Variants in DMD observed in about 807,000 individuals in gnomAD.
DMD encodes the protein dystrophin, also known as mutant dystrophin.
A neutral mutation model predicts 330.1 loss-of-function variants in DMD; 63 were observed. The observed-to-expected ratio is 0.19, with a 90% confidence interval of 0.16 to 0.24. The LOEUF (loss-of-function observed/expected upper bound fraction) is 0.24, where lower values mean the gene tolerates loss of function less well. Among genes scored for constraint, DMD ranks in the 10% least tolerant of loss-of-function variants. The probability of loss-of-function intolerance (pLI) is 1.00; values close to 1 mark genes in which losing one functional copy is unlikely to be tolerated. For missense variants in DMD, 3,344 were observed against 2,684.1 expected (o/e 1.25, Z -5.43); for synonymous variants, 1,223 against 959.8 (o/e 1.27, Z -5.07).
rs775846754 is a variant in DMD at position 32,573,593 on chromosome X, G to C, written c.1749C>G (p.Asn583Lys). ...CTTTAAAGCCAGTTGTGTGAATCTT[G>C]TTCACTGCATCTTCTTTTTCTGAAA... ...AWLSEKEDAV[N>K]KIHTTGFKDQ... is the part of the protein sequence containing the mutation. Residue 583 changes from asparagine (N) to lysine (K), a missense_variant, in exon 15 of 79, where the codon AAC (asparagine) becomes AAG (lysine). By Grantham distance (94) the Asn-to-Lys change is moderately conservative. Transcript: ENST00000357033. The C allele has an allele frequency of 2.4e-5, 29 of 1,210,061 alleles. No homozygotes were observed. Among genetic ancestry groups the C allele is most frequent in the Non-Finnish European group, 3.2e-5 (29 of 895,121 alleles).
chrX:32,277,926 A>G (rs1433249246), intron 43 of DMD, among the ~76,000 whole-genome samples: 1 of 110,834 alleles, frequency 9.0e-6, no homozygotes, highest in East Asian at 2.8e-4. Flanking sequence ...GAGCAAATCG[A>G]ACCCAAAATT....
rs113552145 is a variant in DMD, at chrX:33,284,733, C to CT, written c.7+54525dup. The stretch of plus-strand genomic sequence containing the variant: ...CAAAAGAAAAGACTTTAAAAATCAT[C>CT]TTTTTTTTTTTGCCCTAATGCTTAA... On this transcript the variant is annotated intron_variant, in intron 1 of 17. Coordinates refer to the DMD transcript ENST00000288447. 3.2e-4 allele frequency among the ~76,000 whole-genome samples: 18 copies of CT among 56,114 alleles called. 3 individuals are homozygous for CT. The highest frequency in any genetic ancestry group is 6.1e-4 in the East Asian group (1 of 1,631). The allele number at this position is 56,114 out of a possible 115,157, so 48.7% of individuals were successfully genotyped here. A position where few individuals can be genotyped will look rare whatever the true frequency, so the allele number is the denominator to read the frequency against.
In DMD at chrX:32,590,992, T is replaced by A. The variant is rs769560375; in HGVS notation, c.1602+4765A>T. 6.3e-5 allele frequency among the ~76,000 whole-genome samples: 7 copies of A among 111,722 alleles called. 1 individual carries two copies. In the South Asian group the frequency reaches 2.6e-3, roughly 42 times the overall value. The stretch of plus-strand genomic sequence containing the variant: ...CCTTCTAGAGAACCTTAATACACTC[T>A]GTCTTTATCCATTCTTTATAATTAT... On this transcript the variant is annotated intron_variant, in intron 13 of 78. Coordinates refer to ENST00000357033, the MANE Select transcript of DMD (RefSeq NM_004006.3).
At chrX:32,753,652 T>C (rs760876886) in intron 7 of DMD, among the ~76,000 whole-genome samples, 1 of 112,245 alleles carries the variant, frequency 8.9e-6, no homozygotes, top group South Asian at 3.7e-4. Flanking sequence ...TGATGCTTTG[T>C]CAGAGCAAAG....
intron 7 of DMD, among the ~76,000 whole-genome samples, chrX:32,768,212 G>C (rs949749406): frequency 5.4e-5 from 6 of 111,937 alleles, no homozygotes; most frequent in Non-Finnish European, 1.1e-4. Context: ...TACTATGGCA[G>C]ACACTAAGAA....
intron 1 of DMD, among the ~76,000 whole-genome samples, chrX:33,152,184 T>G (rs1322702821): frequency 8.2e-5 from 6 of 72,816 alleles, no homozygotes; most frequent in African/African-American, 2.7e-4. Context: ...ATTATTATTA[T>G]TATTAGATAG....
chrX:32,012,134 T>C (rs1433400885), intron 44 of DMD, among the ~76,000 whole-genome samples: 2 of 112,196 alleles, frequency 1.8e-5, no homozygotes, highest in Non-Finnish European at 3.8e-5. Flanking sequence ...AGCCTACTAA[T>C]TGGGGCCTTT....
At chrX:31,723,854 C>A (rs991124971) in intron 52 of DMD, among the ~76,000 whole-genome samples, 6 of 111,682 alleles carry the variant, frequency 5.4e-5, no homozygotes, top group African/African-American at 2.0e-4. Context: ...TAAAACTCCT[C>A]CTCTAGTTTT....
intron 18 of DMD, among the ~76,000 whole-genome samples, chrX:32,503,723 T>G (rs228316): frequency 0.24 from 26,202 of 109,324 alleles, 2,732 homozygotes; most frequent in African/African-American, 0.38. Context: ...GCCCAGCTAA[T>G]TTTTGTATTT....
intron 1 of DMD, among the ~76,000 whole-genome samples, chrX:33,056,943 G>A (rs958621750): frequency 2.7e-5 from 3 of 111,062 alleles, no homozygotes; most frequent in African/African-American, 9.8e-5. Context: ...CTTCTTTCTC[G>A]TTCTCTGTTA....
intron 47 of DMD, among the ~76,000 whole-genome samples, chrX:31,920,910 G>T (rs16989964): frequency 0.024 from 2,641 of 112,220 alleles, 87 homozygotes; most frequent in African/African-American, 0.078. Context: ...GAAATTAGTT[G>T]TTACACAAGT....
intron 11 of DMD, among the ~76,000 whole-genome samples, chrX:32,642,576 A>G (rs1471652140): frequency 8.9e-6 from 1 of 111,961 alleles, no homozygotes; most frequent in Non-Finnish European, 1.9e-5. Context: ...GAAGGGGGGA[A>G]TTTTTGAATG....
intron 60 of DMD, among the ~76,000 whole-genome samples, chrX:31,387,488 C>T (rs757221169): frequency 9.0e-6 from 1 of 111,312 alleles, no homozygotes; most frequent in Non-Finnish European, 1.9e-5. Flanking sequence ...CATCCTCTGC[C>T]TCCTGGGTTC....
intron 2 of DMD, among the ~76,000 whole-genome samples, chrX:32,936,144 T>C (rs920861255): frequency 3.7e-5 from 4 of 108,858 alleles, no homozygotes; most frequent in Non-Finnish European, 7.6e-5. Flanking sequence ...GGAGTTTTGC[T>C]CTTGTTGCCC....
intron 7 of DMD, among the ~76,000 whole-genome samples, chrX:32,761,755 T>G (rs2072323761): frequency 9.0e-6 from 1 of 111,447 alleles, no homozygotes; most frequent in Non-Finnish European, 1.9e-5. Flanking sequence ...AACCCAAATC[T>G]GTAGTAAGGT....
chrX:32,779,344 G>A (rs995558057), intron 7 of DMD, among the ~76,000 whole-genome samples: 1 of 109,493 alleles, frequency 9.1e-6, no homozygotes, highest in Non-Finnish European at 1.9e-5. Flanking sequence ...TAATATGCTA[G>A]CACATTTTTT....
At chrX:32,729,979 T>G (rs1657609052) in intron 7 of DMD, among the ~76,000 whole-genome samples, 1 of 111,854 alleles carries the variant, frequency 8.9e-6, no homozygotes, top group Non-Finnish European at 1.9e-5. Flanking sequence ...TAAATATTTA[T>G]AGCTGAGTTA....
At chrX:33,008,776 T>G (rs1264711509) in intron 2 of DMD, among the ~76,000 whole-genome samples, 1 of 38,426 alleles carries the variant, frequency 2.6e-5, no homozygotes, top group Admixed American at 2.3e-4. Context: ...TCTTATAACC[T>G]AAAACAACTA....
chrX:33,247,315 T>G (rs2148894489), intron 1 of DMD, among the ~76,000 whole-genome samples: 1 of 112,140 alleles, frequency 8.9e-6, no homozygotes, highest in South Asian at 3.7e-4. Context: ...TTTTGTTTCT[T>G]ATATTCTTAA....
Sources: gnomAD v4.1 joint callset for allele counts (sites outside exome capture counted in the v4.1 genomes callset) on GRCh38, gnomAD v4.1.1 for gene constraint, MANE v1.5 for transcripts, NCBI Gene and HGNC (gene_info 2026-07-23, HGNC 2026-07-21) for gene names.